Variants in ABCB5 observed in about 807,000 individuals in gnomAD.
The protein encoded by ABCB5 is ATP-binding cassette sub-family B member 5.
In ABCB5, 155 loss-of-function variants were observed where a neutral mutation model predicts 144.2. The observed-to-expected ratio is 1.08, with a 90% CI of 0.94 to 1.23. The LOEUF (loss-of-function observed/expected upper bound fraction) is 1.23, where lower values mean the gene tolerates loss of function less well. Among genes scored for constraint, ABCB5 ranks in the 50% most tolerant of loss-of-function variants. The pLI is 0.00. For missense variants in ABCB5, 1,830 were observed against 1,520.8 expected (o/e 1.20, Z -3.38); for synonymous variants, 610 against 528.6 (o/e 1.15, Z -2.11).
At position 20,723,142 on chromosome 7, in the gene ABCB5, G is replaced by A. The variant is rs199931096; in HGVS notation, c.2548G>A (p.Val850Met). ...LILSIAPVLA[V>M]TGMIETAAMT... The stretch of plus-strand genomic sequence containing the variant: ...TCTGAGTATTGCTCCAGTACTTGCC[G>A]TGACAGGAATGATTGAAACCGCAGC... The change falls in exon 21 of 28, where the codon GTG becomes ATG. Residue 850 changes from valine to methionine, a missense_variant. Coordinates refer to ENST00000404938, the MANE Select transcript of ABCB5 (RefSeq NM_001163941.2). 4.3e-5 allele frequency: 70 copies of A among 1,614,094 alleles called. No individual in the cohort carries two copies. In the Middle Eastern group the frequency reaches 1.8e-3, roughly 42 times the overall value.
chr7:20,746,846 T>G (rs1274812226), intron 26 of ABCB5, among the ~76,000 whole-genome samples: 2 of 152,226 alleles, frequency 1.3e-5, no homozygotes, highest in African/African-American at 4.8e-5. Flanking sequence ...GGCGAATTTC[T>G]ACATGTGATT....
intron 14 of ABCB5, 69 bp downstream of exon 14, chr7:20,658,745 A>G (rs1784897788): frequency 6.5e-7 from 1 of 1,545,426 alleles, no homozygotes; most frequent in African/African-American, 1.4e-5. Flanking sequence ...ACAAGAAAGT[A>G]TAGATCTGTA....
At chr7:20,712,184 A>G (rs1787098837) in intron 20 of ABCB5, among the ~76,000 whole-genome samples, 2 of 115,118 alleles carry the variant, frequency 1.7e-5, no homozygotes, top group Admixed American at 9.1e-5. Context: ...AAAAAAAAAG[A>G]TATTGAGATA....
At chr7:20,715,067 CAG>C (rs1781626630) in intron 20 of ABCB5, among the ~76,000 whole-genome samples, 1 of 152,134 alleles carries the variant, frequency 6.6e-6, no homozygotes, top group African/African-American at 2.4e-5. Flanking sequence ...TATTATGAGA[CAG>C]AGTCTCATTC....
chr7:20,656,072 C>A (rs947054085), intron 13 of ABCB5, among the ~76,000 whole-genome samples: 2 of 149,598 alleles, frequency 1.3e-5, no homozygotes, highest in African/African-American at 5.0e-5. Flanking sequence ...GGTGCTGGAA[C>A]AAATGGTTAT....
chr7:20,655,152 A>C (rs146757883), intron 13 of ABCB5, among the ~76,000 whole-genome samples: 23 of 152,294 alleles, frequency 1.5e-4, no homozygotes, highest in Middle Eastern at 3.4e-3. Flanking sequence ...TATTGATTCT[A>C]AGGACATTAA....
chr7:20,635,393 T>G (rs56144764), intron 5 of ABCB5, among the ~76,000 whole-genome samples: 8,528 of 151,978 alleles, frequency 0.056, 345 homozygotes, highest in South Asian at 0.14. Context: ...AAGGCTTTTT[T>G]TTTTTTTGGT....
intron 1 of ABCB5, among the ~76,000 whole-genome samples, chr7:20,619,077 G>A (rs529637142): frequency 6.6e-5 from 10 of 152,076 alleles, no homozygotes; most frequent in African/African-American, 2.4e-4. Flanking sequence ...GCCCAGCCAC[G>A]TACCACATTT....
rs193097633 is a variant in ABCB5, at chr7:20,666,139, C to T, written c.1707+7463C>T. On this transcript the variant is annotated intron_variant, in intron 14 of 27. Transcript: ENST00000404938. ...GAGCCGAGAGCACGCCATTGCACTCCAGCCTGGGCAACAAGAGTGAAACTC... is the reference window on the plus strand; with the variant it reads ...GAGCCGAGAGCACGCCATTGCACTCTAGCCTGGGCAACAAGAGTGAAACTC... 5.1e-4 allele frequency among the ~76,000 whole-genome samples: 76 copies of T among 149,632 alleles called. No homozygotes were observed. The East Asian group carries it at 0.014, about 27-fold the overall frequency.
In ABCB5 at chr7:20,756,549, AG is replaced by A. The variant is rs1783093854; in HGVS notation, c.*927del. ...TCCCAGCTACTTGGGAGGCTGAGGCAGGAGAATCATTTGAACCTAGGAGGCA... is the reference window on the plus strand; with the variant it reads ...TCCCAGCTACTTGGGAGGCTGAGGCAGAGAATCATTTGAACCTAGGAGGCA... On this transcript the variant is annotated 3_prime_UTR_variant, in exon 28 of 28. Transcript: ENST00000404938. 6.6e-6 allele frequency: 1 copy of A among 152,210 alleles called. No homozygotes were observed. Among genetic ancestry groups the A allele is most frequent in the African/African-American group, 2.4e-5 (1 of 41,416 alleles). 9.4% of individuals were successfully genotyped at this position (152,210 alleles called of 1,614,324 possible).
intron 20 of ABCB5, among the ~76,000 whole-genome samples, chr7:20,713,924 A>T (rs895061720): frequency 7.7e-6 from 1 of 130,062 alleles, no homozygotes; most frequent in African/African-American, 2.9e-5. Context: ...ACTCTAGCTG[A>T]CTTAGATTCC....
intron 13 of ABCB5, among the ~76,000 whole-genome samples, chr7:20,658,158 G>C (rs748058184): frequency 6.6e-6 from 1 of 152,040 alleles, no homozygotes; most frequent in Admixed American, 6.6e-5. Flanking sequence ...ATAGGTATTT[G>C]TATTACAGTG....
intron 5 of ABCB5, among the ~76,000 whole-genome samples, chr7:20,637,149 A>G (rs1784176185): frequency 6.6e-6 from 1 of 152,174 alleles, no homozygotes; most frequent in South Asian, 2.1e-4. Flanking sequence ...ATTGATTTGC[A>G]TAATTTTTTG....
In ABCB5 at chr7:20,742,859, G is replaced by A. The variant is rs1409709949; in HGVS notation, c.3025-18G>A. 6.2e-7 allele frequency: 1 copy of A among 1,612,910 alleles called. No individual in the cohort carries two copies. Among genetic ancestry groups the A allele is most frequent in the Non-Finnish European group, 8.5e-7 (1 of 1,179,462 alleles). ...TTCCCAAGTCATTCTTCTCAACTCT[G>A]TCAACTTCCTTTCACAGGACACATG... On this transcript the variant is annotated intron_variant, in intron 24 of 27. Transcript: ENST00000404938.
At chr7:20,724,667 T>C (rs867063458) in intron 21 of ABCB5, among the ~76,000 whole-genome samples, 16 of 147,036 alleles carry the variant, frequency 1.1e-4, no homozygotes, top group African/African-American at 2.0e-4. Context: ...CCTCTCCTAA[T>C]ACTGTTTCAG....
chr7:20,626,902 A>T (rs1783922568), intron 3 of ABCB5, among the ~76,000 whole-genome samples: 2 of 150,996 alleles, frequency 1.3e-5, no homozygotes, highest in Admixed American at 6.6e-5. Context: ...TATCATACAT[A>T]AATGTTACCA....
At chr7:20,716,423 A>G (rs1781676568) in intron 20 of ABCB5, among the ~76,000 whole-genome samples, 1 of 152,202 alleles carries the variant, frequency 6.6e-6, no homozygotes. Context: ...TGCACATCAC[A>G]ATATATATAA....
rs567042524 is a variant in ABCB5, at chr7:20,651,284, T to C, written c.1333-136T>C. ...CTATGGACAATATATATGTTAGAAATATTTTATCAAAATATAGTCAGTCTT... is the reference window on the plus strand; with the variant it reads ...CTATGGACAATATATATGTTAGAAACATTTTATCAAAATATAGTCAGTCTT... On this transcript the variant is annotated intron_variant, in intron 12 of 27. Transcript: ENST00000404938. The C allele has an allele frequency of 1.6e-3, 1,262 of 795,534 alleles. 9 individuals carry two copies. Among genetic ancestry groups the C allele is most frequent in the South Asian group, 8.0e-3 (432 of 54,082 alleles). 49.3% of individuals were successfully genotyped at this position (795,534 alleles called of 1,614,324 possible).
chr7:20,618,007 T>C (rs1783723455), intron 1 of ABCB5, among the ~76,000 whole-genome samples: 1 of 152,210 alleles, frequency 6.6e-6, no homozygotes, highest in African/African-American at 2.4e-5. Context: ...GTAATAATGG[T>C]TAGAAACTTT....
Sources: allele counts gnomAD v4.1 joint callset (sites outside exome capture counted in the v4.1 genomes callset), GRCh38; gene constraint gnomAD v4.1.1; transcripts MANE v1.5; gene names NCBI Gene and HGNC (gene_info 2026-07-23, HGNC 2026-07-21).